Variants in RSF1 observed in about 807,000 individuals in gnomAD.
RSF1 encodes remodeling and spacing factor 1.
Under a neutral mutation model 145.2 loss-of-function variants are expected in RSF1, and 13 were observed. The observed-to-expected ratio is 0.09, with a 90% CI of 0.06 to 0.14. RSF1 has a LOEUF of 0.14. Among genes scored for constraint, RSF1 ranks in the 10% least tolerant of loss-of-function variants. The pLI is 1.00. For synonymous variants in RSF1, 577 were observed against 592.6 expected (o/e 0.97, Z 0.38); for missense variants, 1,517 against 1,718.2 (o/e 0.88, Z 2.07).
intron 1 of RSF1, among the ~76,000 whole-genome samples, chr11:77,788,619 A>G (rs914286163): frequency 1.6e-4 from 25 of 152,138 alleles, no homozygotes; most frequent in African/African-American, 6.0e-4. Context: ...AATGAAAATA[A>G]CAGTCGTGGC....
intron 1 of RSF1, among the ~76,000 whole-genome samples, chr11:77,809,659 T>C (rs572399247): frequency 6.6e-6 from 1 of 152,348 alleles, no homozygotes; most frequent in South Asian, 2.1e-4. Flanking sequence ...AAGTTAGTGC[T>C]GCTGTAGATG....
At chr11:77,840,149 C>G in the RSF1 span, among the ~76,000 whole-genome samples, 1 of 151,918 alleles carries the variant, frequency 6.6e-6, no homozygotes, top group Admixed American at 6.6e-5. Context: ...GATTAATGCA[C>G]AATATACCCT....
intron 4 of RSF1, among the ~76,000 whole-genome samples, chr11:77,738,363 AAAGTT>A (rs1650060077): frequency 6.6e-6 from 1 of 152,234 alleles, no homozygotes; most frequent in Non-Finnish European, 1.5e-5. Flanking sequence ...AAAATGAACT[AAAGTT>A]AATACAATAA....
chr11:77,695,988 G>C (rs1435510198), intron 7 of RSF1, among the ~76,000 whole-genome samples: 1 of 152,034 alleles, frequency 6.6e-6, no homozygotes, highest in Non-Finnish European at 1.5e-5. Flanking sequence ...GTACCATGGG[G>C]GTGGGAGGAG....
At chr11:77,704,151 G>A (rs113277753) in intron 5 of RSF1, among the ~76,000 whole-genome samples, 87 of 152,156 alleles carry the variant, frequency 5.7e-4, no homozygotes, top group Middle Eastern at 3.4e-3. Flanking sequence ...AAAAGTAGCC[G>A]GGGCATGGTG....
At chr11:77,815,728 C>T (rs1948775101) in intron 1 of RSF1, among the ~76,000 whole-genome samples, 1 of 150,958 alleles carries the variant, frequency 6.6e-6, no homozygotes, top group Non-Finnish European at 1.5e-5. Flanking sequence ...TTTTAAAAGG[C>T]TCATGTTTAA....
intron 10 of RSF1, among the ~76,000 whole-genome samples, chr11:77,684,211 A>G (rs1370023117): frequency 6.6e-6 from 1 of 152,248 alleles, no homozygotes; most frequent in Non-Finnish European, 1.5e-5. Context: ...CAGGCCTTTT[A>G]AGCTTGTGAT....
chr11:77,695,856 G>A (rs1245020156), intron 7 of RSF1, among the ~76,000 whole-genome samples: 1 of 152,116 alleles, frequency 6.6e-6, no homozygotes, highest in African/African-American at 2.4e-5. Context: ...AAATAAACAT[G>A]GAGTTCATGC....
Position 77,701,216 on chromosome 11 carries a change from C to T in RSF1, c.2013G>A (p.Glu671=). Residue 671 remains glutamate, a synonymous_variant, in exon 6 of 16, where the codon GAG becomes GAA. Coordinates refer to ENST00000308488, the MANE Select transcript of RSF1 (RefSeq NM_016578.4). ...TTTCTACCTTTGTGAACTCAGAATC[C>T]TCTTTTAGGGTTTCTAGGTCTACTT... The part of the protein sequence containing the change: ...VKKVDLETLK[E]DSEFTKVEMD... 6.2e-7 allele frequency: 1 copy of T among 1,614,090 alleles called. No individual in the cohort carries two copies. The highest frequency in any genetic ancestry group is 8.5e-7 in the Non-Finnish European group (1 of 1,180,016).
At chr11:77,792,621 C>T (rs1180095394) in intron 1 of RSF1, among the ~76,000 whole-genome samples, 1 of 152,050 alleles carries the variant, frequency 6.6e-6, no homozygotes, top group African/African-American at 2.4e-5. Flanking sequence ...AACAGGTACC[C>T]CTGACGTTGT....
intron 5 of RSF1, among the ~76,000 whole-genome samples, chr11:77,716,435 CA>C (rs1412272080): frequency 1.2e-4 from 18 of 152,234 alleles, no homozygotes; most frequent in African/African-American, 4.1e-4. Context: ...GAATATTATT[CA>C]ACATTAACAA....
At chr11:77,813,721 G>A (rs1185899362) in intron 1 of RSF1, 6 of 399,004 alleles carry the variant, frequency 1.5e-5, no homozygotes, top group Middle Eastern at 8.9e-4. Flanking sequence ...CGGCGAGAGC[G>A]AACAGTAGTG....
chr11:77,729,375 G>A (rs1245352167), intron 4 of RSF1, among the ~76,000 whole-genome samples: 1 of 152,080 alleles, frequency 6.6e-6, no homozygotes, highest in Admixed American at 6.5e-5. Context: ...GACTTAACCA[G>A]ATTCTAAACT....
In RSF1 at chr11:77,807,616, CATAAAT is replaced by C. The variant is rs1470243633; in HGVS notation, c.187+12906_187+12911del. Among the ~76,000 whole-genome samples, 19 of 152,250 alleles carry C rather than the reference CATAAAT, an allele frequency of 1.2e-4. No homozygotes were observed. The East Asian group carries it at 2.7e-3, about 22-fold the overall frequency. ...CAGACAAAACAGACTTTAATCTGAGCATAAATATAGAGTTTAAAACAAAATTTGAAG... is the reference window on the plus strand; with the variant it reads ...CAGACAAAACAGACTTTAATCTGAGCATAGAGTTTAAAACAAAATTTGAAG... On this transcript the variant is annotated intron_variant, in intron 1 of 15. Coordinates refer to ENST00000308488, the MANE Select transcript of RSF1 (RefSeq NM_016578.4).
rs550118693 is a variant in RSF1 at position 77,664,868 on chromosome 11, G to T, written c.*2049C>A. ...CAGCCCTGCTTTACTGTCTGTGAATGTAAGCCCTTCCCTCCCTTCCAGTGG... is the reference window on the plus strand; with the variant it reads ...CAGCCCTGCTTTACTGTCTGTGAATTTAAGCCCTTCCCTCCCTTCCAGTGG... On this transcript the variant is annotated 3_prime_UTR_variant, in exon 16 of 16. Transcript: ENST00000308488. 6.6e-6 allele frequency: 1 copy of T among 152,234 alleles called. No individual in the cohort carries two copies. The highest frequency in any genetic ancestry group is 1.5e-5 in the Non-Finnish European group (1 of 68,040). 9.4% of individuals were successfully genotyped at this position (152,234 alleles called of 1,614,324 possible).
At chr11:77,731,034 T>A (rs948162234) in intron 4 of RSF1, among the ~76,000 whole-genome samples, 2 of 151,750 alleles carry the variant, frequency 1.3e-5, no homozygotes, top group African/African-American at 4.8e-5. Context: ...AAGGCAGAGG[T>A]TGGAAGAGTT....
At chr11:77,823,842 T>C (rs901133573), upstream of RSF1, among the ~76,000 whole-genome samples, 2 of 152,098 alleles carry the variant, frequency 1.3e-5, no homozygotes, top group Admixed American at 6.5e-5. Flanking sequence ...ACCTTGCCTG[T>C]ACTTTCTATC....
chr11:77,829,739 AAAAT>A, the RSF1 span: 4 of 152,234 alleles, frequency 2.6e-5, no homozygotes, highest in African/African-American at 7.2e-5. Context: ...AACAAAAGGA[AAAAT>A]AAATTAATAG....
intron 4 of RSF1, among the ~76,000 whole-genome samples, chr11:77,727,579 C>A (rs766655652): frequency 1.4e-5 from 2 of 147,924 alleles, no homozygotes; most frequent in South Asian, 4.2e-4. Flanking sequence ...TGGGTTCAAG[C>A]GATTTTCCTG....
Sources: allele counts gnomAD v4.1 joint callset (sites outside exome capture counted in the v4.1 genomes callset), GRCh38; gene constraint gnomAD v4.1.1; transcripts MANE v1.5; gene names NCBI Gene and HGNC (gene_info 2026-07-23, HGNC 2026-07-21).